Variants in SOX5 observed in about 807,000 individuals in gnomAD.
The protein encoded by SOX5 is transcription factor SOX-5.
Under a neutral mutation model 92.0 loss-of-function variants are expected in SOX5, and 9 were observed. The ratio of observed to expected loss-of-function variants is 0.10; its 90% CI spans 0.06 to 0.17. The LOEUF is 0.17. Among genes scored for constraint, SOX5 ranks in the 10% least tolerant of loss-of-function variants. SOX5 has a pLI of 1.00. For missense variants in SOX5, 642 were observed against 944.5 expected (o/e 0.68, Z 4.20); for synonymous variants, 344 against 336.3 (o/e 1.02, Z -0.25).
intron 4 of SOX5, among the ~76,000 whole-genome samples, chr12:24,103,168 T>C (rs932783378): frequency 6.6e-5 from 10 of 152,186 alleles, no homozygotes; most frequent in Admixed American, 2.6e-4. Context: ...TTGTTATAAG[T>C]TGTACAAGAG....
chr12:23,681,260 T>TA (rs557754918), intron 6 of SOX5, among the ~76,000 whole-genome samples: 2 of 151,346 alleles, frequency 1.3e-5, no homozygotes, highest in African/African-American at 4.9e-5. Context: ...AGAAAACCCA[T>TA]AAAAAATAGA....
intron 3 of SOX5, among the ~76,000 whole-genome samples, chr12:24,242,026 A>G (rs1301139973): frequency 6.6e-6 from 1 of 152,212 alleles, no homozygotes; most frequent in Non-Finnish European, 1.5e-5. Flanking sequence ...GAAATGAAAT[A>G]ATTCCTGTTG....
chr12:23,596,712 A>G (rs1262476212), intron 9 of SOX5, among the ~76,000 whole-genome samples: 1 of 152,216 alleles, frequency 6.6e-6, no homozygotes, highest in Admixed American at 6.5e-5. Flanking sequence ...CCCCCAAAAA[A>G]GAGTAACTAC....
intron 2 of SOX5, among the ~76,000 whole-genome samples, chr12:23,856,627 G>T (rs1256523967): frequency 6.6e-6 from 1 of 152,112 alleles, no homozygotes; most frequent in African/African-American, 2.4e-5. Flanking sequence ...TTCCTCAACT[G>T]ATTCAGGTGC....
chr12:24,363,803 T>C (rs1025743003), intron 2 of SOX5, among the ~76,000 whole-genome samples: 1 of 152,092 alleles, frequency 6.6e-6, no homozygotes, highest in African/African-American at 2.4e-5. Context: ...AGAATACCTA[T>C]GGAACATCTC....
At chr12:23,823,148 T>G (rs1009197791) in intron 3 of SOX5, among the ~76,000 whole-genome samples, 2 of 152,238 alleles carry the variant, frequency 1.3e-5, no homozygotes, top group Non-Finnish European at 2.9e-5. Context: ...GTGAATTTGA[T>G]CCTGTCATTA....
intron 1 of SOX5, among the ~76,000 whole-genome samples, chr12:23,907,065 T>C (rs10842239): frequency 0.21 from 32,566 of 152,060 alleles, 4,746 homozygotes; most frequent in East Asian, 0.72. Flanking sequence ...ATCAGAACAA[T>C]TGGTAGTGAA....
chr12:24,342,454 A>C (rs552953419), intron 2 of SOX5, among the ~76,000 whole-genome samples: 1 of 152,308 alleles, frequency 6.6e-6, no homozygotes, highest in African/African-American at 2.4e-5. Context: ...AAATGAACCT[A>C]TTATATCATC....
intron 7 of SOX5, among the ~76,000 whole-genome samples, chr12:23,653,317 T>C (rs2081925547): frequency 6.6e-6 from 1 of 151,866 alleles, no homozygotes; most frequent in South Asian, 2.1e-4. Context: ...TGGAATAGTC[T>C]GTCTGTATCC....
intron 1 of SOX5, among the ~76,000 whole-genome samples, chr12:24,436,691 A>G (rs573598701): frequency 6.6e-6 from 1 of 152,276 alleles, no homozygotes; most frequent in South Asian, 2.1e-4. Context: ...ACTACAGAAC[A>G]CATTTTCATT....
At chr12:23,667,017 T>C (rs1304266303) in intron 6 of SOX5, among the ~76,000 whole-genome samples, 1 of 152,032 alleles carries the variant, frequency 6.6e-6, no homozygotes, top group Non-Finnish European at 1.5e-5. Context: ...AGTAAACCTC[T>C]GAGCTGTTTC....
intron 1 of SOX5, among the ~76,000 whole-genome samples, chr12:24,395,408 G>A (rs533386598): frequency 1.1e-4 from 16 of 152,186 alleles, no homozygotes; most frequent in East Asian, 5.8e-4. Context: ...AGAAATAATT[G>A]GCCAAAAAAA....
At chr12:24,031,245 A>G (rs1187471099) in intron 4 of SOX5, among the ~76,000 whole-genome samples, 1 of 151,778 alleles carries the variant, frequency 6.6e-6, no homozygotes, top group Non-Finnish European at 1.5e-5. Context: ...TCAAAAAGAT[A>G]TCTACACTCT....
At chr12:23,950,840 CACATACACACAGAGAGAGAG>C, upstream of SOX5, 1 of 1,532,016 alleles carries the variant, frequency 6.5e-7, no homozygotes, top group Non-Finnish European at 8.7e-7. Context: ...ATGACAGAGG[CACATACACACAGAGAGAGAG>C]ACACTTACAC....
chr12:24,136,176 G>A (rs1480231703), intron 4 of SOX5, among the ~76,000 whole-genome samples: 2 of 152,222 alleles, frequency 1.3e-5, no homozygotes, highest in Admixed American at 6.5e-5. Flanking sequence ...GACAGGACAC[G>A]TGGAGCAAGA....
At chr12:24,226,886 A>AATG (rs1962159191) in intron 3 of SOX5, among the ~76,000 whole-genome samples, 2 of 42,250 alleles carry the variant, frequency 4.7e-5, no homozygotes, top group Non-Finnish European at 1.2e-4. Flanking sequence ...ATGAATGAAT[A>AATG]AATCTACTGG....
rs552410404 is a variant in SOX5 at position 23,627,662 on chromosome 12, C to A, written c.1017+13150G>T. On this transcript the variant is annotated intron_variant, in intron 8 of 14. Coordinates refer to ENST00000451604, the MANE Select transcript of SOX5 (RefSeq NM_006940.6). ...GTATCTCATTTCACAGGTGAAGACACTGAGACTATGAGATATTCAATATCT... is the reference window on the plus strand; with the variant it reads ...GTATCTCATTTCACAGGTGAAGACAATGAGACTATGAGATATTCAATATCT... Among the ~76,000 whole-genome samples, 4 of 152,230 alleles carry A rather than the reference C, an allele frequency of 2.6e-5. No homozygotes were observed. The East Asian group carries it at 7.7e-4, about 29-fold the overall frequency.
chr12:24,506,936 G>A (rs1182339075), intron 1 of SOX5, among the ~76,000 whole-genome samples: 5 of 150,936 alleles, frequency 3.3e-5, no homozygotes, highest in Admixed American at 6.6e-5. Flanking sequence ...GACTACAGGC[G>A]CCCGCCACTG....
At chr12:24,337,251 T>C (rs532471722) in intron 2 of SOX5, among the ~76,000 whole-genome samples, 2 of 152,156 alleles carry the variant, frequency 1.3e-5, no homozygotes, top group East Asian at 3.9e-4. Context: ...TTTCTATAAA[T>C]CAGACACTAT....
Sources: gnomAD v4.1 joint callset for allele counts (sites outside exome capture counted in the v4.1 genomes callset) on GRCh38, gnomAD v4.1.1 for gene constraint, MANE v1.5 for transcripts, NCBI Gene and HGNC (gene_info 2026-07-23, HGNC 2026-07-21) for gene names.